Variants in HCN2 observed in about 807,000 individuals in gnomAD.
HCN2 encodes the protein potassium/sodium hyperpolarization-activated cyclic nucleotide-gated channel 2.
A neutral mutation model predicts 52.3 loss-of-function variants in HCN2; 20 were observed. That is an observed-to-expected ratio of 0.38 (90% CI 0.27 to 0.56). The LOEUF is 0.56. Among genes scored for constraint, HCN2 ranks in the 20% least tolerant of loss-of-function variants. The pLI, the probability that HCN2 is intolerant of heterozygous loss-of-function variation, is 0.71. For synonymous variants in HCN2, 694 were observed against 537.0 expected (o/e 1.29, Z -4.04); for missense variants, 981 against 1,207.7 (o/e 0.81, Z 2.78).
At chr19:615,039 G>C (rs1255537925) in intron 7 of HCN2, among the ~76,000 whole-genome samples, 1 of 152,154 alleles carries the variant, frequency 6.6e-6, no homozygotes, top group African/African-American at 2.4e-5. Context: ...AGTATCAGGT[G>C]CTTAGGTTAT....
intron 1 of HCN2, among the ~76,000 whole-genome samples, chr19:601,871 C>T (rs1327890327): frequency 1.3e-5 from 2 of 151,902 alleles, no homozygotes; most frequent in African/African-American, 2.4e-5. Context: ...TCTGCCAGAG[C>T]TTCCCAGGGA....
rs1183425946 is a variant in HCN2 at position 590,852 on chromosome 19, G to T, written c.632+275G>T. On this transcript the variant is annotated intron_variant, in intron 1 of 7. Coordinates refer to ENST00000251287, the MANE Select transcript of HCN2 (RefSeq NM_001194.4). The surrounding 1 kb of genome is among the most constrained non-coding windows in gnomAD (Gnocchi z 7.2). ...TGCGGCGCGGCGGGTGGGGTGGGCC[G>T]CAGGGCCAGGGTCTGAGCGCAGAGG... 2 of 236,770 alleles carry T rather than the reference G, an allele frequency of 8.4e-6. No individual in the cohort carries two copies. Among genetic ancestry groups the T allele is most frequent in the East Asian group, 8.1e-5 (1 of 12,280 alleles). 14.7% of individuals were successfully genotyped at this position (236,770 alleles called of 1,614,324 possible).
chr19:602,786 G>A (rs1983250726), intron 1 of HCN2, among the ~76,000 whole-genome samples: 1 of 152,232 alleles, frequency 6.6e-6, no homozygotes, highest in African/African-American at 2.4e-5. Flanking sequence ...GCCTTGTGAG[G>A]TCTCCTGCAT....
intron 5 of HCN2, among the ~76,000 whole-genome samples, chr19:611,606 A>T (rs184591942): frequency 2.8e-4 from 42 of 152,340 alleles, no homozygotes; most frequent in Non-Finnish European, 2.5e-4. Flanking sequence ...GCATTTGATG[A>T]CTACGGTTTC....
At chr19:602,136 T>C (rs1195354768) in intron 1 of HCN2, among the ~76,000 whole-genome samples, 1 of 120,498 alleles carries the variant, frequency 8.3e-6, no homozygotes, top group East Asian at 3.4e-4. Context: ...CTCCCTCCTC[T>C]CTCCTCCTGC....
At position 603,550 on chromosome 19, in the gene HCN2, C is replaced by T. The variant is rs371422302; in HGVS notation, c.639C>T (p.Tyr213=). The change falls in exon 2 of 8, where the codon TAC becomes TAT. Residue 213 remains tyrosine (Y), a synonymous_variant. Coordinates refer to ENST00000251287, the MANE Select transcript of HCN2 (RefSeq NM_001194.4). ...IIHPYSDFRF[Y]WDFTMLLFMV... ...TGGGCACCCTCGCCCCCAGGTTCTA[C>T]TGGGACTTCACCATGCTGCTGTTCA... 22 of 1,602,928 alleles carry T rather than the reference C, an allele frequency of 1.4e-5. No individual in the cohort carries two copies. Among genetic ancestry groups the T allele is most frequent in the Non-Finnish European group, 1.9e-5 (22 of 1,172,786 alleles).
intron 1 of HCN2, among the ~76,000 whole-genome samples, chr19:593,044 C>T (rs1210516272): frequency 6.6e-6 from 1 of 152,178 alleles, no homozygotes; most frequent in African/African-American, 2.4e-5. Flanking sequence ...CTCTCTTCAC[C>T]TCCCCTTCCT....
chr19:615,772 C>T (rs776612705), intron 7 of HCN2, 23 bp from the exon 8 acceptor site: 2 of 1,609,100 alleles, frequency 1.2e-6, no homozygotes, highest in South Asian at 1.1e-5. Context: ...CCTGTGCACA[C>T]GCTAACGCCC....
intron 7 of HCN2, among the ~76,000 whole-genome samples, chr19:615,220 C>T (rs911285745): frequency 6.6e-6 from 1 of 151,376 alleles, no homozygotes; most frequent in African/African-American, 2.4e-5. Flanking sequence ...CATTAAATAC[C>T]TGTTTACTGC....
chr19:590,607 G>T lies in HCN2; in HGVS notation c.632+30G>T, dbSNP rs549736191. 1.5e-6 allele frequency: 2 copies of T among 1,353,400 alleles called. No individual in the cohort carries two copies. Among genetic ancestry groups the T allele is most frequent in the Non-Finnish European group, 9.6e-7 (1 of 1,037,298 alleles). 83.8% of individuals were successfully genotyped at this position (1,353,400 alleles called of 1,614,324 possible). On this transcript the variant is annotated intron_variant, in intron 1 of 7. Transcript: ENST00000251287. The surrounding 1 kb of genome is among the most constrained non-coding windows in gnomAD (Gnocchi z 7.2). Reference sequence around the variant, plus strand: ...CGCCTCCGGGAGGGCCGGTCGGCGCGAGGGGGCCCGGGGAGCCGGGCGCGC... The same window carrying T: ...CGCCTCCGGGAGGGCCGGTCGGCGCTAGGGGGCCCGGGGAGCCGGGCGCGC...
Position 605,220 on chromosome 19 carries a change from G to T in HCN2, c.1216G>T (p.Val406Leu). The T allele has an allele frequency of 3.1e-6, 5 of 1,610,258 alleles. No homozygotes were observed. Among genetic ancestry groups the T allele is most frequent in the Non-Finnish European group, 4.2e-6 (5 of 1,179,302 alleles). The change falls in exon 3 of 8, where the codon GTG becomes TTG. Residue 406 changes from valine (V) to leucine (L), a missense_variant and splice_region_variant. Val to Leu is a conservative substitution (Grantham distance 32). This residue lies in a region of HCN2 where 282 missense variants were observed against 553.8 expected (regional missense o/e 0.51). Coordinates refer to ENST00000251287, the MANE Select transcript of HCN2 (RefSeq NM_001194.4). ...RNCWVSINGM[V>L]NHSWSELYSF... is the part of the protein sequence containing the mutation. ...CTGCTGGGTGTCCATCAATGGCATG[G>T]TGGTGAGCGCCGCGGGCCCTGACGG...
At chr19:602,358 C>CT (rs1568363416) in intron 1 of HCN2, among the ~76,000 whole-genome samples, 1 of 110,982 alleles carries the variant, frequency 9.0e-6, no homozygotes, top group African/African-American at 3.6e-5. Context: ...CCCACTTCCT[C>CT]CTCTCCTGCG....
At position 616,449 on chromosome 19, in the gene HCN2, G is replaced by C; in HGVS notation, c.2645G>C (p.Arg882Pro). The change falls in exon 8 of 8, where the codon CGC (arginine) becomes CCC (proline). Residue 882 changes from arginine (R) to proline (P), a missense_variant. Physicochemically the swap from Arg to Pro is moderately radical, Grantham distance 103. Around this residue, in one of 6 missense-constraint regions of HCN2, gnomAD observed 368 missense variants for 314.8 expected, o/e 1.17. Coordinates refer to ENST00000251287, the MANE Select transcript of HCN2 (RefSeq NM_001194.4). Reference protein sequence around the residue: ...AGGLDPQDSARSRLSSNL With the variant: ...AGGLDPQDSAPSRLSSNL The stretch of plus-strand genomic sequence containing the variant: ...GGCCTGGACCCCCAGGACTCCGCGC[G>C]CTCGCGCCTCTCGTCCAACTTGTGA... 8.1e-7 allele frequency: 1 copy of C among 1,241,674 alleles called. No individual in the cohort carries two copies. The highest frequency in any genetic ancestry group is 4.4e-5 in the Admixed American group (1 of 22,606). 76.9% of individuals were successfully genotyped at this position (1,241,674 alleles called of 1,614,324 possible). A position where few individuals can be genotyped will look rare whatever the true frequency, so the allele number is the denominator to read the frequency against.
intron 1 of HCN2, among the ~76,000 whole-genome samples, chr19:598,533 T>C (rs1387782538): frequency 4.6e-5 from 7 of 152,130 alleles, no homozygotes; most frequent in Non-Finnish European, 8.8e-5. Flanking sequence ...CCTGAACTCC[T>C]GAGCTTCTGT....
chr19:610,980 T>A (rs10422975), intron 5 of HCN2, among the ~76,000 whole-genome samples: 1 of 152,140 alleles, frequency 6.6e-6, no homozygotes. Flanking sequence ...CAGGCGCCCT[T>A]GGCTTGCAGA....
chr19:616,957 T>C lies in HCN2; in HGVS notation c.*483T>C, dbSNP rs1983984117. 2 of 422,468 alleles carry C rather than the reference T, an allele frequency of 4.7e-6. No individual in the cohort carries two copies. The highest frequency in any genetic ancestry group is 8.8e-6 in the Non-Finnish European group (2 of 228,444). The allele number at this position is 422,468 out of a possible 1,614,324, so 26.2% of individuals were successfully genotyped here. A position where few individuals can be genotyped will look rare whatever the true frequency, so the allele number is the denominator to read the frequency against. On this transcript the variant is annotated 3_prime_UTR_variant, in exon 8 of 8. Coordinates refer to ENST00000251287, the MANE Select transcript of HCN2 (RefSeq NM_001194.4). ...CGTCCGCGCGCGTCCCCCGGTGACCTCGGGGAGCAGCACCCCGCCTCCCTC... is the reference window on the plus strand; with the variant it reads ...CGTCCGCGCGCGTCCCCCGGTGACCCCGGGGAGCAGCACCCCGCCTCCCTC...
chr19:614,778 G>A (rs28406180), intron 7 of HCN2, among the ~76,000 whole-genome samples: 3,070 of 152,256 alleles, frequency 0.02, 65 homozygotes, highest in African/African-American at 0.048. Flanking sequence ...AAGGCGGGCC[G>A]TGTCCAGGAG....
chr19:613,484 CG>C lies in HCN2; in HGVS notation c.1825+1del. 7.3e-7 allele frequency: 1 copy of C among 1,372,266 alleles called. No homozygotes were observed. The highest frequency in any genetic ancestry group is 1.2e-5 in the South Asian group (1 of 80,168). 85.0% of individuals were successfully genotyped at this position (1,372,266 alleles called of 1,614,324 possible). A position where few individuals can be genotyped will look rare whatever the true frequency, so the allele number is the denominator to read the frequency against. On this transcript the variant is annotated frameshift_variant, in exon 6 of 8. Coordinates refer to ENST00000251287, the MANE Select transcript of HCN2 (RefSeq NM_001194.4). LOFTEE classifies it high-confidence loss of function. ...EMKLSDGSYF[G>X]EICLLTRGRR... ...TGAAGCTGTCCGATGGCTCCTACTT[CG>C]GGGGTGAGCTTGAGGGGGGCGCGCC... is the stretch of plus-strand genomic sequence containing the variant.
chr19:616,205 GC>G lies in HCN2; in HGVS notation c.2407del (p.Ala804LeufsTer10), dbSNP rs1384990564. On this transcript the variant is annotated frameshift_variant, in exon 8 of 8. Coordinates refer to ENST00000251287, the MANE Select transcript of HCN2 (RefSeq NM_001194.4). LOFTEE classifies it low-confidence loss of function (END_TRUNC). Reference sequence around the variant, plus strand: ...CTCGCCCTACGGCGGCCTGCCCGCCGCCCCCCTTGCTGGGCCCGCCCTGCCC... The same window carrying G: ...CTCGCCCTACGGCGGCCTGCCCGCCGCCCCCTTGCTGGGCCCGCCCTGCCC... ...RTSPYGGLPA[A>X]PLAGPALPAR... The G allele has an allele frequency of 2.1e-6, 2 of 973,518 alleles. No homozygotes were observed. The highest frequency in any genetic ancestry group is 2.4e-6 in the Non-Finnish European group (2 of 827,352). The allele number at this position is 973,518 out of a possible 1,614,324, so 60.3% of individuals were successfully genotyped here. A position where few individuals can be genotyped will look rare whatever the true frequency, so the allele number is the denominator to read the frequency against.
Sources: allele counts gnomAD v4.1 joint callset (sites outside exome capture counted in the v4.1 genomes callset), GRCh38; gene constraint gnomAD v4.1.1; regional missense constraint gnomAD v4.1.1; non-coding constraint Gnocchi (gnomAD v3.1); transcripts MANE v1.5; gene names NCBI Gene and HGNC (gene_info 2026-07-23, HGNC 2026-07-21).